The following SNX27 variants were observed in gnomAD, a reference collection of about 807,000 sequenced individuals.
SNX27 encodes the protein sorting nexin 27.
Under a neutral mutation model 71.6 loss-of-function variants are expected in SNX27, and 22 were observed. That is an observed-to-expected ratio of 0.31 (90% CI 0.22 to 0.44). The LOEUF is 0.44. SNX27 is among the 20% of genes least tolerant of loss of function. The probability of loss-of-function intolerance (pLI) is 1.00; values close to 1 mark genes in which losing one functional copy is unlikely to be tolerated. For synonymous variants in SNX27, 269 were observed against 277.2 expected, an observed-to-expected ratio of 0.97 and a Z score of 0.29; for missense variants, 531 against 698.6, an observed-to-expected ratio of 0.76 and a Z score of 2.70.
intron 5 of SNX27, among the ~76,000 whole-genome samples, chr1:151,664,100 A>T (rs1670082035): frequency 6.8e-6 from 1 of 147,644 alleles, no homozygotes; most frequent in Non-Finnish European, 1.5e-5. Flanking sequence ...TTATATATAA[A>T]TATAATTATA....
intron 7 of SNX27, among the ~76,000 whole-genome samples, chr1:151,673,332 T>C (rs1272776203): frequency 6.6e-6 from 1 of 152,080 alleles, no homozygotes; most frequent in Non-Finnish European, 1.5e-5. Context: ...TACTTGATAT[T>C]ATTATAATAT....
intron 1 of SNX27, among the ~76,000 whole-genome samples, chr1:151,623,584 G>C (rs1449170086): frequency 1.3e-5 from 2 of 151,574 alleles, no homozygotes; most frequent in African/African-American, 4.9e-5. Flanking sequence ...TTTTTTTGTA[G>C]AGACAAGGTC....
Position 151,692,432 on chromosome 1 carries a change from T to TTTTTTAAAAAAAA in SNX27, c.1240-3_1240-2insTTTTTAAAAAAAA. 2.1e-6 allele frequency: 3 copies of TTTTTTAAAAAAAA among 1,452,052 alleles called. No individual in the cohort carries two copies. The highest frequency in any genetic ancestry group is 2.7e-6 in the Non-Finnish European group (3 of 1,101,912). The allele number at this position is 1,452,052 out of a possible 1,614,324, so 89.9% of individuals were successfully genotyped here. A position where few individuals can be genotyped will look rare whatever the true frequency, so the allele number is the denominator to read the frequency against. On this transcript the variant is annotated splice_polypyrimidine_tract_variant and splice_region_variant and intron_variant, in intron 8 of 11. Coordinates refer to ENST00000458013, the MANE Select transcript of SNX27 (RefSeq NM_001330723.2). ...TTTTTTTTTTTTTTTTTTTTTTTTTTAGTACCTCAACATGCTAAGGACTTG... is the reference window on the plus strand; with the variant it reads ...TTTTTTTTTTTTTTTTTTTTTTTTTTTTTTTAAAAAAAAAGTACCTCAACATGCTAAGGACTTG...
intron 8 of SNX27, among the ~76,000 whole-genome samples, chr1:151,690,616 GT>G (rs957689600): frequency 3.1e-4 from 43 of 139,924 alleles, no homozygotes; most frequent in Admixed American, 4.3e-4. Context: ...TTTTTTTTTT[GT>G]TTTTTTTTTT....
chr1:151,657,481 C>G (rs1368264492), intron 2 of SNX27, among the ~76,000 whole-genome samples: 1 of 152,106 alleles, frequency 6.6e-6, no homozygotes, highest in African/African-American at 2.4e-5. Context: ...CCGCTTACAT[C>G]ATTTTTAGGC....
chr1:151,692,880 T>C, intron 9 of SNX27, 31 bp from the exon 10 acceptor site: 1 of 1,613,988 alleles, frequency 6.2e-7, no homozygotes, highest in Non-Finnish European at 8.5e-7. Flanking sequence ...AAACACAGAC[T>C]GTACCTTACT....
intron 7 of SNX27, chr1:151,675,844 T>TTTTC (rs1670672699): frequency 8.5e-6 from 1 of 117,534 alleles, no homozygotes; most frequent in African/African-American, 3.2e-5. Context: ...TTTTTTTTTT[T>TTTTC]TATATAGGCT....
intron 2 of SNX27, among the ~76,000 whole-genome samples, chr1:151,644,142 C>T (rs1424413817): frequency 6.6e-6 from 1 of 152,224 alleles, no homozygotes; most frequent in Non-Finnish European, 1.5e-5. Flanking sequence ...AAGGTCTCAA[C>T]ATCCAGTCTG....
At chr1:151,626,364 G>T (rs1667940703) in intron 1 of SNX27, among the ~76,000 whole-genome samples, 2 of 150,474 alleles carry the variant, frequency 1.3e-5, no homozygotes, top group Non-Finnish European at 1.5e-5. Flanking sequence ...GACTTATTTT[G>T]AGCCAAGACA....
intron 3 of SNX27, chr1:151,660,170 T>A (rs1211981): frequency 1.3e-5 from 2 of 151,734 alleles, no homozygotes; most frequent in African/African-American, 4.8e-5. Context: ...AAATTAACTT[T>A]CTTAAATTTA....
chr1:151,614,912 C>T (rs1339900491), intron 1 of SNX27, among the ~76,000 whole-genome samples: 2 of 152,196 alleles, frequency 1.3e-5, no homozygotes, highest in African/African-American at 4.8e-5. Context: ...CACATCCCAA[C>T]ATACATAGTT....
intron 2 of SNX27, among the ~76,000 whole-genome samples, chr1:151,653,478 T>C (rs1331859834): frequency 6.6e-6 from 1 of 152,190 alleles, no homozygotes; most frequent in Non-Finnish European, 1.5e-5. Flanking sequence ...TATTACCTTG[T>C]GCTTAGAGTG....
chr1:151,627,843 C>T (rs1474543319), intron 1 of SNX27, among the ~76,000 whole-genome samples: 5 of 152,230 alleles, frequency 3.3e-5, no homozygotes, highest in South Asian at 4.1e-4. Context: ...CCCTGTGCTT[C>T]GCTAATTCAT....
At chr1:151,643,752 C>T (rs891799717) in intron 2 of SNX27, among the ~76,000 whole-genome samples, 1 of 152,074 alleles carries the variant, frequency 6.6e-6, no homozygotes, top group Non-Finnish European at 1.5e-5. Context: ...CGTCTGCCTC[C>T]TGGGTTCAAG....
chr1:151,631,658 G>T (rs1286397825), intron 1 of SNX27, among the ~76,000 whole-genome samples: 1 of 152,174 alleles, frequency 6.6e-6, no homozygotes, highest in African/African-American at 2.4e-5. Flanking sequence ...TACTTGGTCA[G>T]AAGAAAATGC....
chr1:151,641,627 A>ATATATATATATATATATATC (rs1254918416), intron 2 of SNX27, among the ~76,000 whole-genome samples: 1 of 120,966 alleles, frequency 8.3e-6, no homozygotes, highest in Non-Finnish European at 1.7e-5. Flanking sequence ...ATATATATAT[A>ATATATATATATATATATATC]TATCATATGT....
chr1:151,660,362 TCTGA>T (rs1317335958), intron 3 of SNX27: 1 of 152,452 alleles, frequency 6.6e-6, no homozygotes, highest in Admixed American at 6.5e-5. Flanking sequence ...TTTGTGGTTC[TCTGA>T]CTGGCCTGTT....
chr1:151,612,655 C>T lies in SNX27; in HGVS notation c.311+143C>T, dbSNP rs1187444031. 6.5e-6 allele frequency: 4 copies of T among 620,064 alleles called. No homozygotes were observed. In the East Asian group the frequency reaches 1.0e-4, roughly 16 times the overall value. 38.4% of individuals were successfully genotyped at this position (620,064 alleles called of 1,614,324 possible). On this transcript the variant is annotated intron_variant, in intron 1 of 11. Coordinates refer to ENST00000458013, the MANE Select transcript of SNX27 (RefSeq NM_001330723.2). The surrounding 1 kb of genome is among the most constrained non-coding windows in gnomAD (Gnocchi z 5.2). ...ACCCCCGCCCCTCAGGCCTCCGCAG[C>T]CGGGCCCCTCCTTGTGGGCTGCCCT...
intron 2 of SNX27, among the ~76,000 whole-genome samples, chr1:151,651,058 C>T (rs1669317875): frequency 6.6e-6 from 1 of 152,062 alleles, no homozygotes; most frequent in South Asian, 2.1e-4. Context: ...ACCTTTCCCG[C>T]CTTTCTATTC....
Sources: gnomAD v4.1 joint callset for allele counts (sites outside exome capture counted in the v4.1 genomes callset) on GRCh38, gnomAD v4.1.1 for gene constraint, Gnocchi (gnomAD v3.1) non-coding constraint, MANE v1.5 for transcripts, NCBI Gene and HGNC (gene_info 2026-07-23, HGNC 2026-07-21) for gene names.